TBX20: variants seen among roughly 807,000 people sequenced by gnomAD.
TBX20 encodes T-box transcription factor TBX20.
Under a neutral mutation model 42.9 loss-of-function variants are expected in TBX20, and 8 were observed. That is an observed-to-expected ratio of 0.19 (90% CI 0.11 to 0.34). The LOEUF is 0.34. Among genes scored for constraint, TBX20 ranks in the 10% least tolerant of loss-of-function variants. The pLI, the probability that TBX20 is intolerant of heterozygous loss-of-function variation, is 1.00. For missense variants in TBX20, 411 were observed against 566.0 expected, an observed-to-expected ratio of 0.73 and a Z score of 2.78; for synonymous variants, 198 against 222.8, an observed-to-expected ratio of 0.89 and a Z score of 0.99.
rs1289698282 is a variant in TBX20 at position 35,236,616 on chromosome 7, G to C, written c.813+4263C>G. On this transcript the variant is annotated intron_variant, in intron 5 of 7. Transcript: ENST00000408931. ...GCACCTACAAGAGGAATTTTGATTG[G>C]TCTTATGAGGTTCATAAACCATTTG... 2.6e-5 allele frequency among the ~76,000 whole-genome samples: 4 copies of C among 152,232 alleles called. No individual in the cohort carries two copies. In the East Asian group the frequency reaches 7.7e-4, roughly 29 times the overall value.
intron 5 of TBX20, among the ~76,000 whole-genome samples, chr7:35,236,267 A>T (rs1789963233): frequency 6.6e-6 from 1 of 151,172 alleles, no homozygotes; most frequent in Admixed American, 6.6e-5. Flanking sequence ...GATATATGAA[A>T]GTGGTCCTAA....
chr7:35,249,373 C>A lies in TBX20; in HGVS notation c.381-532G>T, dbSNP rs1342285089. Among the ~76,000 whole-genome samples the A allele has an allele frequency of 6.6e-6, 1 of 152,292 alleles. No homozygotes were observed. The highest frequency in any genetic ancestry group is 1.5e-5 in the Non-Finnish European group (1 of 68,050). On this transcript the variant is annotated intron_variant, in intron 2 of 7. Transcript: ENST00000408931. The surrounding 1 kb of genome is among the most constrained non-coding windows in gnomAD (Gnocchi z 4.3). Reference sequence around the variant, plus strand: ...TTTGCCAGCCTCTGCCCCATCCCAACCTCCCTGCAGCCCTGCAGCTTCCTG... The same window carrying A: ...TTTGCCAGCCTCTGCCCCATCCCAAACTCCCTGCAGCCCTGCAGCTTCCTG...
intron 1 of TBX20, among the ~76,000 whole-genome samples, chr7:35,252,563 G>A (rs1258419015): frequency 5.3e-5 from 8 of 151,542 alleles, no homozygotes; most frequent in Admixed American, 1.3e-4. Context: ...AGTGTGGGAA[G>A]GACAGAGAGA....
intron 6 of TBX20, among the ~76,000 whole-genome samples, chr7:35,221,295 CAAA>C (rs1233218764): frequency 2.6e-5 from 2 of 77,826 alleles, no homozygotes; most frequent in South Asian, 9.1e-4. Flanking sequence ...TTCGGTCTGG[CAAA>C]AAAAAAAAAA....
In TBX20 at chr7:35,248,721, G is replaced by A. The variant is rs75947625; in HGVS notation, c.501C>T (p.Ser167=). The change falls in exon 3 of 8, where the codon TCC becomes TCT. Residue 167 remains serine (S), a synonymous_variant. Coordinates refer to ENST00000408931, the MANE Select transcript of TBX20 (RefSeq NM_001077653.2). ...CGGCCTTGCCAGCCACCAGCCAGGA[G>A]GACCGGTGGTAGGCGTAGCGGTACC... ...NKRYRYAYHR[S]SWLVAGKADP... 1,999 of 1,614,164 alleles carry A rather than the reference G, an allele frequency of 1.2e-3. 25 individuals carry two copies. The East Asian group carries it at 0.024, about 19-fold the overall frequency.
At chr7:35,212,551 T>C (rs1460563484) in intron 6 of TBX20, among the ~76,000 whole-genome samples, 2 of 152,194 alleles carry the variant, frequency 1.3e-5, no homozygotes, top group African/African-American at 4.8e-5. Context: ...AGGTTTCTTT[T>C]GGGATATAGT....
At position 35,202,431 on chromosome 7, in the gene TBX20, C is replaced by T; in HGVS notation, c.1343G>A (p.Ter448=). The change falls in exon 8 of 8, where the codon TGA becomes TAA. Residue 448 remains the stop codon, a stop_retained_variant. Transcript: ENST00000408931. ...TGGATTCTCCCATTTTTAGAAGAGT[C>T]ATACAAATGGCGTCATCACAGCAGA... is the stretch of plus-strand genomic sequence containing the variant. ...HSSAVMTPFV[*] is the part of the protein sequence containing the mutation. 1 of 1,383,892 alleles carries T rather than the reference C, an allele frequency of 7.2e-7. No individual in the cohort carries two copies. Among genetic ancestry groups the T allele is most frequent in the Non-Finnish European group, 9.6e-7 (1 of 1,041,690 alleles). 85.7% of individuals were successfully genotyped at this position (1,383,892 alleles called of 1,614,324 possible). A position where few individuals can be genotyped will look rare whatever the true frequency, so the allele number is the denominator to read the frequency against.
In TBX20 at chr7:35,231,486, A is replaced by G. The variant is rs376688589; in HGVS notation, c.890+18T>C. 8 of 1,594,758 alleles carry G rather than the reference A, an allele frequency of 5.0e-6. No homozygotes were observed. In the African/African-American group the frequency reaches 8.1e-5, roughly 16 times the overall value. On this transcript the variant is annotated intron_variant, in intron 6 of 7. Coordinates refer to ENST00000408931, the MANE Select transcript of TBX20 (RefSeq NM_001077653.2). ...TGATCTTATCTGAACAAGAAAGTAA[A>G]CAGAAAATTCTCATTACCTCTCAAT...
Position 35,202,571 on chromosome 7 carries a change from G to T in TBX20, c.1203C>A (p.Ala401=). ...SRLGMPLTPS[A]IASSMQGSGP... ...CACTCCCTTGCATGGAGCTGGCAAT[G>T]GCCGATGGTGTCAGAGGCATTCCCA... The change falls in exon 8 of 8, where the codon GCC becomes GCA. Residue 401 remains alanine (A), a synonymous_variant. Transcript: ENST00000408931. 1 of 1,614,122 alleles carries T rather than the reference G, an allele frequency of 6.2e-7. No homozygotes were observed. The highest frequency in any genetic ancestry group is 8.5e-7 in the Non-Finnish European group (1 of 1,180,008).
chr7:35,203,558 T>C (rs1280123653), intron 7 of TBX20, among the ~76,000 whole-genome samples: 1 of 152,234 alleles, frequency 6.6e-6, no homozygotes, highest in Non-Finnish European at 1.5e-5. Context: ...AGCTTGATTA[T>C]TAGAATACAG....
At chr7:35,210,611 A>G (rs1437485548) in intron 6 of TBX20, among the ~76,000 whole-genome samples, 4 of 152,172 alleles carry the variant, frequency 2.6e-5, no homozygotes, top group African/African-American at 9.7e-5. Context: ...GTAGGACTGT[A>G]TATTACCCTT....
chr7:35,239,853 G>A (rs993209964), intron 5 of TBX20, among the ~76,000 whole-genome samples: 4 of 152,062 alleles, frequency 2.6e-5, no homozygotes, highest in African/African-American at 9.7e-5. Flanking sequence ...CCAGGTTCAA[G>A]CGATTCTCCT....
At chr7:35,234,644 G>C (rs898401013) in intron 5 of TBX20, among the ~76,000 whole-genome samples, 3 of 151,834 alleles carry the variant, frequency 2.0e-5, no homozygotes. Context: ...GAATAGTACA[G>C]GTGCTCTTAT....
chr7:35,244,673 G>A (rs764823184), intron 4 of TBX20, among the ~76,000 whole-genome samples: 5 of 152,136 alleles, frequency 3.3e-5, no homozygotes, highest in South Asian at 2.1e-4. Flanking sequence ...TAGTTGGCTC[G>A]GGTGGTACAG....
At chr7:35,217,895 T>C (rs922601605) in intron 6 of TBX20, among the ~76,000 whole-genome samples, 38 of 152,160 alleles carry the variant, frequency 2.5e-4, no homozygotes, top group African/African-American at 9.2e-4. Flanking sequence ...TAATTTTGTA[T>C]TTTTAGTAGA....
intron 6 of TBX20, among the ~76,000 whole-genome samples, chr7:35,212,032 C>T (rs1789505410): frequency 6.6e-6 from 1 of 152,112 alleles, no homozygotes; most frequent in Non-Finnish European, 1.5e-5. Context: ...CACCTCCCAA[C>T]CACCTTTAGG....
intron 6 of TBX20, among the ~76,000 whole-genome samples, chr7:35,211,257 C>T (rs1789492079): frequency 6.6e-6 from 1 of 151,950 alleles, no homozygotes; most frequent in African/African-American, 2.4e-5. Flanking sequence ...AAAAGGTTAA[C>T]TATCTTCTTA....
intron 4 of TBX20, among the ~76,000 whole-genome samples, chr7:35,241,759 A>G (rs1299487898): frequency 6.6e-6 from 1 of 152,202 alleles, no homozygotes; most frequent in Non-Finnish European, 1.5e-5. Flanking sequence ...GCAGCTAGTA[A>G]AAGTTGCCAA....
chr7:35,253,237 C>G (rs1271963320), intron 1 of TBX20, among the ~76,000 whole-genome samples: 1 of 152,222 alleles, frequency 6.6e-6, no homozygotes. Context: ...TACACACACA[C>G]CATATGTCTG....
Sources: allele counts gnomAD v4.1 joint callset (sites outside exome capture counted in the v4.1 genomes callset), GRCh38; gene constraint gnomAD v4.1.1; non-coding constraint Gnocchi (gnomAD v3.1); transcripts MANE v1.5; gene names NCBI Gene and HGNC (gene_info 2026-07-23, HGNC 2026-07-21).